RBFOX1: variants seen among roughly 807,000 people sequenced by gnomAD.
RBFOX1 encodes the protein RNA binding protein fox-1 homolog 1.
In RBFOX1, 8 loss-of-function variants were observed where a neutral mutation model predicts 57.7. The ratio of observed to expected loss-of-function variants is 0.14; its 90% CI spans 0.08 to 0.25. The LOEUF (loss-of-function observed/expected upper bound fraction) is 0.25. Ranked by LOEUF, RBFOX1 falls within the 10% of genes least tolerant of loss-of-function variation. The pLI, the probability that RBFOX1 is intolerant of heterozygous loss-of-function variation, is 1.00. For synonymous variants in RBFOX1, 326 were observed against 222.4 expected, an observed-to-expected ratio of 1.47 and a Z score of -4.15; for missense variants, 611 against 548.5, an observed-to-expected ratio of 1.11 and a Z score of -1.14.
chr16:6,629,098 A>G (rs2098349448), intron 2 of RBFOX1, among the ~76,000 whole-genome samples: 1 of 152,226 alleles, frequency 6.6e-6, no homozygotes, highest in Admixed American at 6.5e-5. Context: ...GAAAGAGTAC[A>G]TACTTTTGTG....
chr16:6,130,164 G>C (rs946492650), intron 1 of RBFOX1, among the ~76,000 whole-genome samples: 14 of 152,024 alleles, frequency 9.2e-5, no homozygotes, highest in African/African-American at 3.4e-4. Context: ...TAATTTATTT[G>C]GGGAAAACAG....
intron 4 of RBFOX1, among the ~76,000 whole-genome samples, chr16:7,201,079 T>C (rs1427423419): frequency 1.3e-5 from 2 of 152,302 alleles, no homozygotes; most frequent in Non-Finnish European, 2.9e-5. Flanking sequence ...ATCACAAATA[T>C]AAATTTATTT....
intron 14 of RBFOX1, among the ~76,000 whole-genome samples, chr16:7,697,161 A>T (rs2079053963): frequency 6.6e-6 from 1 of 152,190 alleles, no homozygotes; most frequent in Non-Finnish European, 1.5e-5. Context: ...CCGAAGGGCA[A>T]TGGGGGGGCC....
At chr16:5,360,241 T>A (rs1230931308) in intron 1 of RBFOX1, among the ~76,000 whole-genome samples, 1 of 152,112 alleles carries the variant, frequency 6.6e-6, no homozygotes. Flanking sequence ...GCTGCTGACA[T>A]GTTGTGGGAA....
chr16:7,339,134 C>CT (rs1026137788), intron 4 of RBFOX1, among the ~76,000 whole-genome samples: 1 of 152,174 alleles, frequency 6.6e-6, no homozygotes, highest in African/African-American at 2.4e-5. Flanking sequence ...AGCCTGTGGC[C>CT]TGAGGCTTGT....
At chr16:6,792,500 A>C (rs1360548290) in intron 3 of RBFOX1, among the ~76,000 whole-genome samples, 3 of 152,192 alleles carry the variant, frequency 2.0e-5, no homozygotes, top group African/African-American at 7.2e-5. Flanking sequence ...TGTGTCATCT[A>C]CCACCACAAA....
intron 13 of RBFOX1, among the ~76,000 whole-genome samples, chr16:7,676,294 A>T (rs1038601459): frequency 6.6e-6 from 1 of 152,220 alleles, no homozygotes; most frequent in African/African-American, 2.4e-5. Context: ...ATTACTAATA[A>T]ACTTTCAATC....
intron 2 of RBFOX1, among the ~76,000 whole-genome samples, chr16:5,525,832 A>G (rs2044223745): frequency 6.6e-6 from 1 of 152,196 alleles, no homozygotes; most frequent in East Asian, 1.9e-4. Context: ...AGTTCCCTCT[A>G]ACAAAGCTCC....
At chr16:5,923,597 A>C (rs1326212407) in intron 4 of RBFOX1, among the ~76,000 whole-genome samples, 2 of 138,080 alleles carry the variant, frequency 1.4e-5, no homozygotes, top group Non-Finnish European at 3.0e-5. Context: ...GCTCGAATGC[A>C]GTGGTGCGAT....
intron 1 of RBFOX1, among the ~76,000 whole-genome samples, chr16:6,073,817 C>T (rs904930909): frequency 6.6e-6 from 1 of 152,010 alleles, no homozygotes; most frequent in African/African-American, 2.4e-5. Flanking sequence ...AGGGCTCTTT[C>T]AACTGCAGGT....
intron 2 of RBFOX1, among the ~76,000 whole-genome samples, chr16:5,582,284 A>G (rs993986019): frequency 6.6e-6 from 1 of 152,294 alleles, no homozygotes; most frequent in Middle Eastern, 3.4e-3. Context: ...GGGCCTTCAC[A>G]GCAAGCTGAG....
chr16:5,626,624 C>T (rs542193666), intron 3 of RBFOX1, among the ~76,000 whole-genome samples: 1 of 152,112 alleles, frequency 6.6e-6, no homozygotes, highest in Non-Finnish European at 1.5e-5. Flanking sequence ...CCTCTTCTCC[C>T]GCCATGGGAA....
intron 2 of RBFOX1, among the ~76,000 whole-genome samples, chr16:5,542,149 A>G (rs78074423): frequency 0.044 from 6,707 of 152,184 alleles, 509 homozygotes; most frequent in African/African-American, 0.15. Context: ...ATGTCTTTCA[A>G]GAGTAATCGA....
intron 2 of RBFOX1, among the ~76,000 whole-genome samples, chr16:6,615,833 C>A (rs894756464): frequency 6.6e-6 from 1 of 152,162 alleles, no homozygotes; most frequent in Admixed American, 6.6e-5. Flanking sequence ...TCCCTTCTCA[C>A]AGGCACTGTC....
chr16:7,492,130 A>G lies in RBFOX1; in HGVS notation c.28-26017A>G, dbSNP rs145956256. Among the ~76,000 whole-genome samples the G allele has an allele frequency of 1.5e-4, 23 of 152,380 alleles. No individual in the cohort carries two copies. In the East Asian group the frequency reaches 4.0e-3, roughly 27 times the overall value. ...GGTGGAAAAAGACTCTGCAATAAAC[A>G]GACTACTTAGCATGATTTTGTCTGC... On this transcript the variant is annotated intron_variant, in intron 4 of 15. Transcript: ENST00000550418.
At chr16:6,972,039 G>T (rs2085669944) in intron 3 of RBFOX1, among the ~76,000 whole-genome samples, 1 of 152,076 alleles carries the variant, frequency 6.6e-6, no homozygotes, top group African/African-American at 2.4e-5. Flanking sequence ...GAACAGAGAG[G>T]GTCAAAGACT....
intron 3 of RBFOX1, among the ~76,000 whole-genome samples, chr16:5,805,411 C>T (rs2055193820): frequency 6.6e-6 from 1 of 152,144 alleles, no homozygotes; most frequent in Admixed American, 6.5e-5. Flanking sequence ...GAATTCTGAT[C>T]CTCAATTCCC....
chr16:6,683,786 A>T (rs1181184430), intron 3 of RBFOX1, among the ~76,000 whole-genome samples: 1 of 152,156 alleles, frequency 6.6e-6, no homozygotes, highest in Non-Finnish European at 1.5e-5. Flanking sequence ...ACATACCTGG[A>T]TTGCAATCCT....
chr16:6,210,632 G>A lies in RBFOX1; in HGVS notation c.-126-106363G>A, dbSNP rs182579173. ...AACTACTTGGTAGGCTGAGCTGGGAGGATCACTTGAACCCTGGAAGGTTGA... is the reference window on the plus strand; with the variant it reads ...AACTACTTGGTAGGCTGAGCTGGGAAGATCACTTGAACCCTGGAAGGTTGA... On this transcript the variant is annotated intron_variant, in intron 1 of 15. Transcript: ENST00000550418. Among the ~76,000 whole-genome samples, 237 of 152,102 alleles carry A rather than the reference G, an allele frequency of 1.6e-3. 4 individuals carry two copies. Among genetic ancestry groups the A allele is most frequent in the Admixed American group, 0.013 (196 of 15,278 alleles).
Sources: gnomAD v4.1 joint callset for allele counts (sites outside exome capture counted in the v4.1 genomes callset) on GRCh38, gnomAD v4.1.1 for gene constraint, MANE v1.5 for transcripts, NCBI Gene and HGNC (gene_info 2026-07-23, HGNC 2026-07-21) for gene names.